WDR72: variants seen among roughly 807,000 people sequenced by gnomAD.
WDR72 encodes the protein WD repeat-containing protein 72.
A neutral mutation model predicts 124.2 loss-of-function variants in WDR72; 120 were observed. That is an observed-to-expected ratio of 0.97 (90% CI 0.83 to 1.12). WDR72 has a LOEUF of 1.12. WDR72 is among the 50% of genes most tolerant of loss of function. The pLI is 0.00. For synonymous variants in WDR72, 452 were observed against 441.7 expected (o/e 1.02, Z -0.29); for missense variants, 1,387 against 1,278.8 (o/e 1.08, Z -1.29).
At chr15:53,746,504 T>C (rs1017995792) in intron 1 of WDR72, among the ~76,000 whole-genome samples, 1 of 152,114 alleles carries the variant, frequency 6.6e-6, no homozygotes, top group Admixed American at 6.5e-5. Flanking sequence ...GGAAAGTAAA[T>C]ATAGTACAGC....
chr15:53,673,150 G>A (rs2016051952), intron 13 of WDR72, among the ~76,000 whole-genome samples: 2 of 149,984 alleles, frequency 1.3e-5, no homozygotes, highest in South Asian at 4.2e-4. Context: ...GAAAAGAAAA[G>A]AAACTTGTTT....
At position 53,646,366 on chromosome 15, in the gene WDR72, A is replaced by G. The variant is rs181786874; in HGVS notation, c.1962+19206T>C. ...TTCCCAAATAATCTCTCAGCAATCA[A>G]CTAAATTTCTGTGGTGCAGATTCAG... is the stretch of plus-strand genomic sequence containing the variant. On this transcript the variant is annotated intron_variant, in intron 14 of 19. Coordinates refer to ENST00000360509, the MANE Select transcript of WDR72 (RefSeq NM_182758.4). Among the ~76,000 whole-genome samples, 208 of 152,268 alleles carry G rather than the reference A, an allele frequency of 1.4e-3. 1 individual carries two copies. The highest frequency in any genetic ancestry group is 3.4e-3 in the Admixed American group (52 of 15,266).
At chr15:53,680,517 A>T (rs530464159) in intron 13 of WDR72, among the ~76,000 whole-genome samples, 2 of 152,304 alleles carry the variant, frequency 1.3e-5, no homozygotes, top group African/African-American at 4.8e-5. Context: ...CTTATGGTTG[A>T]TACTTCCAGA....
rs183725782 is a variant in WDR72 at position 53,754,472 on chromosome 15, A to G, written c.-13+5161T>C. On this transcript the variant is annotated intron_variant, in intron 1 of 19. Transcript: ENST00000360509. ...CATCCTGGCCTCTGCTTATTCTAAG[A>G]AAAAAAAATCCGTGGCAAAGGGGAT... 9.8e-4 allele frequency among the ~76,000 whole-genome samples: 149 copies of G among 151,658 alleles called. 1 individual carries two copies. The highest frequency in any genetic ancestry group is 2.9e-3 in the South Asian group (14 of 4,788).
chr15:53,684,688 A>T (rs4377107), intron 13 of WDR72: 3,832 of 152,562 alleles, frequency 0.025, 91 homozygotes, highest in East Asian at 0.068. Context: ...CCGGGAAGCT[A>T]GAACTGGGTG....
intron 1 of WDR72, among the ~76,000 whole-genome samples, chr15:53,743,467 G>A (rs1274176591): frequency 1.3e-5 from 2 of 151,984 alleles, no homozygotes; most frequent in African/African-American, 4.8e-5. Context: ...AGTTAATAAA[G>A]TAAAACTGTT....
chr15:53,635,629 A>G (rs1356807355), intron 14 of WDR72, among the ~76,000 whole-genome samples: 1 of 152,092 alleles, frequency 6.6e-6, no homozygotes. Flanking sequence ...TATAAGAGGG[A>G]GCTAAACACT....
intron 14 of WDR72, among the ~76,000 whole-genome samples, chr15:53,661,320 G>A (rs893329062): frequency 2.6e-5 from 4 of 152,184 alleles, no homozygotes; most frequent in Non-Finnish European, 5.9e-5. Flanking sequence ...TCCACTCATG[G>A]CAGAAGGTGA....
chr15:53,646,341 T>C (rs1433461407), intron 14 of WDR72, among the ~76,000 whole-genome samples: 1 of 152,132 alleles, frequency 6.6e-6, no homozygotes, highest in Non-Finnish European at 1.5e-5. Flanking sequence ...CTTATCATAT[T>C]TCCCAAATAA....
chr15:53,532,891 A>C (rs1002022854), intron 18 of WDR72, among the ~76,000 whole-genome samples: 6 of 152,124 alleles, frequency 3.9e-5, no homozygotes, highest in African/African-American at 1.4e-4. Context: ...CATGTAACCC[A>C]AAAATATGTA....
chr15:53,711,740 T>C (rs2017545745), intron 7 of WDR72, among the ~76,000 whole-genome samples: 1 of 152,170 alleles, frequency 6.6e-6, no homozygotes, highest in Admixed American at 6.5e-5. Context: ...AATCCCAAAA[T>C]TTCTAAGTAA....
chr15:53,532,328 G>A (rs1284482611), intron 18 of WDR72, among the ~76,000 whole-genome samples: 1 of 152,000 alleles, frequency 6.6e-6, no homozygotes, highest in Non-Finnish European at 1.5e-5. Context: ...TATGTCAAAG[G>A]GATATCTGTA....
intron 1 of WDR72, among the ~76,000 whole-genome samples, chr15:53,738,710 C>T (rs1485195604): frequency 1.3e-5 from 2 of 152,136 alleles, no homozygotes; most frequent in African/African-American, 4.8e-5. Flanking sequence ...ATTCTCCTGC[C>T]CCTGCCCCTG....
At chr15:53,637,153 C>T (rs1445885459) in intron 14 of WDR72, among the ~76,000 whole-genome samples, 2 of 152,096 alleles carry the variant, frequency 1.3e-5, no homozygotes, top group African/African-American at 2.4e-5. Context: ...GAGATTCATT[C>T]ATGTTGTGGC....
chr15:53,704,858 T>A (rs773771332), intron 11 of WDR72, 130 bp downstream of exon 11: 2 of 1,004,850 alleles, frequency 2.0e-6, no homozygotes, highest in Non-Finnish European at 2.9e-6. Flanking sequence ...TACTTTAACA[T>A]TAAAATATGT....
chr15:53,593,474 G>A (rs1167348644), intron 18 of WDR72, among the ~76,000 whole-genome samples: 1 of 152,042 alleles, frequency 6.6e-6, no homozygotes, highest in African/African-American at 2.4e-5. Context: ...TAGGAAGTAT[G>A]TTTCAAAGAG....
chr15:53,637,943 G>A lies in WDR72; in HGVS notation c.1963-21700C>T, dbSNP rs74015843. ...ATGTCTGATTCCTTCAATGGGGGGT[G>A]GGGAGTGGAGAGGGGTTACTTCCCA... On this transcript the variant is annotated intron_variant, in intron 14 of 19. Coordinates refer to ENST00000360509, the MANE Select transcript of WDR72 (RefSeq NM_182758.4). 6.8e-3 allele frequency among the ~76,000 whole-genome samples: 1,032 copies of A among 152,260 alleles called. 17 individuals are homozygous for A. The highest frequency in any genetic ancestry group is 0.024 in the African/African-American group (998 of 41,552).
intron 1 of WDR72, among the ~76,000 whole-genome samples, chr15:53,743,312 T>C (rs2018558167): frequency 6.6e-6 from 1 of 152,144 alleles, no homozygotes; most frequent in South Asian, 2.1e-4. Flanking sequence ...CTGCAATTTA[T>C]ACATAACGAT....
intron 18 of WDR72, 127 bp downstream of exon 18, chr15:53,596,952 A>G (rs769121663): frequency 2.0e-5 from 18 of 889,084 alleles, no homozygotes; most frequent in Non-Finnish European, 3.3e-5. Flanking sequence ...CAAGGAGACT[A>G]GTGAATGTCT....
Sources: gnomAD v4.1 joint callset for allele counts (sites outside exome capture counted in the v4.1 genomes callset) on GRCh38, gnomAD v4.1.1 for gene constraint, MANE v1.5 for transcripts, NCBI Gene and HGNC (gene_info 2026-07-23, HGNC 2026-07-21) for gene names.